The following C13orf42 variants were observed in gnomAD, a reference collection of about 807,000 sequenced individuals.
C13orf42 encodes the protein chromosome 13 open reading frame 42.
At chr13:51,084,892 A>G (rs139955997) in intron 3 of C13orf42, among the ~76,000 whole-genome samples, 23 of 152,294 alleles carry the variant, frequency 1.5e-4, no homozygotes, top group African/African-American at 5.3e-4. Context: ...TACATCTTGG[A>G]GCCTGCCCGG....
chr13:51,149,144 G>A (rs951828581), intron 1 of C13orf42, among the ~76,000 whole-genome samples: 5 of 152,042 alleles, frequency 3.3e-5, no homozygotes, highest in Admixed American at 6.5e-5. Flanking sequence ...CCGTCACTGC[G>A]GTGGCAGCTT....
intron 1 of C13orf42, among the ~76,000 whole-genome samples, chr13:51,134,558 CTG>C (rs1953642882): frequency 6.6e-6 from 1 of 152,198 alleles, no homozygotes; most frequent in African/African-American, 2.4e-5. Context: ...TCCAACTTAA[CTG>C]TTTTCCAATT....
At chr13:51,147,924 G>A (rs1953751033) in intron 1 of C13orf42, among the ~76,000 whole-genome samples, 1 of 151,068 alleles carries the variant, frequency 6.6e-6, no homozygotes, top group African/African-American at 2.4e-5. Flanking sequence ...TATGGAGAGG[G>A]CTTGAGAAGC....
At chr13:51,148,922 C>T (rs897516201) in intron 1 of C13orf42, among the ~76,000 whole-genome samples, 1 of 152,232 alleles carries the variant, frequency 6.6e-6, no homozygotes, top group Non-Finnish European at 1.5e-5. Flanking sequence ...GCAGCTGCTC[C>T]TTCCTGGGGC....
chr13:51,082,899 T>C lies in C13orf42; in HGVS notation c.*1252A>G, dbSNP rs1953078741. On this transcript the variant is annotated 3_prime_UTR_variant, in exon 4 of 4. Transcript: ENST00000563710. The stretch of plus-strand genomic sequence containing the variant: ...AGAGTTACATATTCTTAGATTCATA[T>C]GATCAGGTTCACATAAACAAAAGGT... 1 of 152,260 alleles carries C rather than the reference T, an allele frequency of 6.6e-6. No individual in the cohort carries two copies. The highest frequency in any genetic ancestry group is 1.5e-5 in the Non-Finnish European group (1 of 68,048). The allele number at this position is 152,260 out of a possible 1,614,324, so 9.4% of individuals were successfully genotyped here.
At position 51,082,851 on chromosome 13, in the gene C13orf42, T is replaced by C. The variant is rs1953078400; in HGVS notation, c.*1300A>G. 6.6e-6 allele frequency: 1 copy of C among 152,246 alleles called. No individual in the cohort carries two copies. Among genetic ancestry groups the C allele is most frequent in the Non-Finnish European group, 1.5e-5 (1 of 68,044 alleles). The allele number at this position is 152,246 out of a possible 1,614,324, so 9.4% of individuals were successfully genotyped here. A position where few individuals can be genotyped will look rare whatever the true frequency, so the allele number is the denominator to read the frequency against. On this transcript the variant is annotated 3_prime_UTR_variant, in exon 4 of 4. Coordinates refer to ENST00000563710, the MANE Select transcript of C13orf42 (RefSeq NM_001351589.3). The stretch of plus-strand genomic sequence containing the variant: ...TAAAATTTCTAAGAATGCAATATAA[T>C]TACTAGCTGTTTTTTATTTGTAAGA...
chr13:51,123,244 T>C (rs2138015629), intron 1 of C13orf42, among the ~76,000 whole-genome samples: 1 of 152,336 alleles, frequency 6.6e-6, no homozygotes, highest in South Asian at 2.1e-4. Context: ...AAACTCTTAT[T>C]GGCTTATTAC....
intron 1 of C13orf42, among the ~76,000 whole-genome samples, chr13:51,092,504 T>A (rs1953190378): frequency 6.6e-6 from 1 of 152,148 alleles, no homozygotes; most frequent in Non-Finnish European, 1.5e-5. Flanking sequence ...TAGTTCTTTA[T>A]AATTTATAAT....
At chr13:51,162,323 A>G in intron 1 of C13orf42, 1 of 183,800 alleles carries the variant, frequency 5.4e-6, no homozygotes, top group Non-Finnish European at 1.2e-5. Flanking sequence ...ATACTTGACA[A>G]CTTTAACAAA....
intron 1 of C13orf42, among the ~76,000 whole-genome samples, chr13:51,165,483 C>G (rs74085989): frequency 0.013 from 1,920 of 152,260 alleles, 47 homozygotes; most frequent in African/African-American, 0.042. Context: ...AACCCAGGGA[C>G]TAGGACCTGG....
At chr13:51,090,378 T>C (rs1490920450) in intron 1 of C13orf42, among the ~76,000 whole-genome samples, 1 of 152,168 alleles carries the variant, frequency 6.6e-6, no homozygotes, top group Non-Finnish European at 1.5e-5. Flanking sequence ...TTAGAGATTT[T>C]TGGTGAAGTG....
At chr13:51,118,069 T>C (rs562636870) in intron 1 of C13orf42, among the ~76,000 whole-genome samples, 2 of 152,300 alleles carry the variant, frequency 1.3e-5, no homozygotes, top group East Asian at 3.9e-4. Context: ...CATGGGGAGC[T>C]AAGAAATGTG....
At chr13:51,170,786 T>TG (rs1386786255) in intron 1 of C13orf42, among the ~76,000 whole-genome samples, 13 of 152,094 alleles carry the variant, frequency 8.5e-5, no homozygotes, top group Admixed American at 2.0e-4. Context: ...CCCGCTTTCC[T>TG]GGGGCAGGGG....
At chr13:51,170,280 C>G (rs1357467145) in intron 1 of C13orf42, among the ~76,000 whole-genome samples, 1 of 152,186 alleles carries the variant, frequency 6.6e-6, no homozygotes, top group Non-Finnish European at 1.5e-5. Context: ...TCACACAAAG[C>G]CTGTTTGGTG....
At chr13:51,167,302 T>C (rs562310059) in intron 1 of C13orf42, among the ~76,000 whole-genome samples, 1 of 152,122 alleles carries the variant, frequency 6.6e-6, no homozygotes, top group Non-Finnish European at 1.5e-5. Context: ...TATAAACCTA[T>C]CTGGGAGGGG....
chr13:51,137,058 G>A (rs189000074), intron 1 of C13orf42, among the ~76,000 whole-genome samples: 5 of 152,296 alleles, frequency 3.3e-5, no homozygotes, highest in Admixed American at 2.0e-4. Flanking sequence ...TAAGGAAGAG[G>A]AGCTGTGTGT....
In C13orf42 at chr13:51,096,327, A is replaced by G. The variant is rs138197174; in HGVS notation, c.415-8252T>C. Among the ~76,000 whole-genome samples the G allele has an allele frequency of 2.6e-4, 40 of 152,230 alleles. No individual in the cohort carries two copies. The East Asian group carries it at 7.0e-3, about 27-fold the overall frequency. ...ACAAGAGGGCATTCACTGTTTTCTG[A>G]TAAAGCCCCAGTCTCAGGCAGGCGC... is the stretch of plus-strand genomic sequence containing the variant. On this transcript the variant is annotated intron_variant, in intron 1 of 3. Coordinates refer to ENST00000563710, the MANE Select transcript of C13orf42 (RefSeq NM_001351589.3).
chr13:51,120,433 G>C (rs1480101892), intron 1 of C13orf42, among the ~76,000 whole-genome samples: 1 of 152,176 alleles, frequency 6.6e-6, no homozygotes, highest in Non-Finnish European at 1.5e-5. Flanking sequence ...GAATGCTCTT[G>C]CTCCCTGCTG....
At chr13:51,108,279 A>T (rs192153200) in intron 1 of C13orf42, among the ~76,000 whole-genome samples, 1 of 152,250 alleles carries the variant, frequency 6.6e-6, no homozygotes, top group Admixed American at 6.5e-5. Flanking sequence ...GGACTTCCAC[A>T]TATACATTTT....
Sources: allele counts gnomAD v4.1 joint callset (sites outside exome capture counted in the v4.1 genomes callset), GRCh38; gene constraint gnomAD v4.1.1; transcripts MANE v1.5; gene names NCBI Gene and HGNC (gene_info 2026-07-23, HGNC 2026-07-21).